PARD3B: variants seen among roughly 807,000 people sequenced by gnomAD.
PARD3B encodes the protein partitioning defective 3 homolog B.
In PARD3B, 103 loss-of-function variants were observed where a neutral mutation model predicts 130.2. That is an observed-to-expected ratio of 0.79 (90% confidence interval 0.67 to 0.93). The LOEUF is 0.93. PARD3B is among the 40% of genes least tolerant of loss of function. The probability of loss-of-function intolerance (pLI) is 0.00; values close to 1 mark genes in which losing one functional copy is unlikely to be tolerated. For missense variants in PARD3B, 1,609 were observed against 1,499.2 expected (o/e 1.07, Z -1.21); for synonymous variants, 583 against 553.2 (o/e 1.05, Z -0.76).
chr2:205,569,121 G>T (rs996829982), intron 22 of PARD3B, among the ~76,000 whole-genome samples: 2 of 151,670 alleles, frequency 1.3e-5, no homozygotes, highest in African/African-American at 4.8e-5. Context: ...GTTTTAATTT[G>T]TAATTCGTTT....
chr2:205,132,404 G>A (rs1179080387), intron 10 of PARD3B, among the ~76,000 whole-genome samples: 1 of 152,044 alleles, frequency 6.6e-6, no homozygotes, highest in African/African-American at 2.4e-5. Context: ...GGGCCAGTGA[G>A]CCTCGGCATT....
chr2:204,698,340 A>G (rs2037715908), intron 2 of PARD3B, among the ~76,000 whole-genome samples: 1 of 152,124 alleles, frequency 6.6e-6, no homozygotes, highest in African/African-American at 2.4e-5. Context: ...CATTTCTGCC[A>G]AATTATTTAG....
intron 19 of PARD3B, among the ~76,000 whole-genome samples, chr2:205,414,935 A>G (rs1030800522): frequency 1.3e-5 from 2 of 152,036 alleles, no homozygotes; most frequent in Non-Finnish European, 2.9e-5. Flanking sequence ...TAGTGGGTTG[A>G]CTTTGTTTTA....
chr2:204,961,800 G>A (rs1313101063), intron 2 of PARD3B, among the ~76,000 whole-genome samples: 1 of 152,140 alleles, frequency 6.6e-6, no homozygotes, highest in Non-Finnish European at 1.5e-5. Flanking sequence ...GTGTCCTGAA[G>A]TAAAGCCAGA....
intron 5 of PARD3B, among the ~76,000 whole-genome samples, chr2:205,110,392 A>G (rs539686011): frequency 1.1e-4 from 16 of 152,300 alleles, no homozygotes; most frequent in Admixed American, 3.9e-4. Flanking sequence ...AGCTTCGCCT[A>G]TAGTTTTGTC....
At chr2:205,045,114 T>TG (rs1378050199) in intron 3 of PARD3B, among the ~76,000 whole-genome samples, 1 of 117,388 alleles carries the variant, frequency 8.5e-6, no homozygotes, top group Non-Finnish European at 1.9e-5. Flanking sequence ...ATCTTAAAGT[T>TG]TTTTTTTTTT....
chr2:205,490,455 A>G (rs185874857), intron 20 of PARD3B, among the ~76,000 whole-genome samples: 1,606 of 152,222 alleles, frequency 0.011, 10 homozygotes, highest in Middle Eastern at 0.031. Context: ...ATCATTTTTT[A>G]TGGCTGCATA....
At chr2:204,963,964 T>A (rs1385789423) in intron 2 of PARD3B, among the ~76,000 whole-genome samples, 1 of 152,222 alleles carries the variant, frequency 6.6e-6, no homozygotes, top group African/African-American at 2.4e-5. Flanking sequence ...TGTATTCATT[T>A]CTTTTGAAAG....
At chr2:204,898,903 T>C (rs2046744496) in intron 2 of PARD3B, among the ~76,000 whole-genome samples, 1 of 152,228 alleles carries the variant, frequency 6.6e-6, no homozygotes, top group Admixed American at 6.5e-5. Context: ...GTTTTTGTCT[T>C]GAAATCTATT....
At position 205,540,757 on chromosome 2, in the gene PARD3B, C is replaced by T. The variant is rs150153285; in HGVS notation, c.3181-12567C>T. 4.4e-4 allele frequency among the ~76,000 whole-genome samples: 67 copies of T among 152,214 alleles called. 1 individual carries two copies. The highest frequency in any genetic ancestry group is 2.6e-4 in the Non-Finnish European group (18 of 68,006). On this transcript the variant is annotated intron_variant, in intron 21 of 22. Transcript: ENST00000406610. ...AGCAGCAAGAATGACATTAATTATG[C>T]GAAAAGCAGTCATATCTGGCAGTTG...
At chr2:205,089,703 A>G (rs968782800) in intron 4 of PARD3B, among the ~76,000 whole-genome samples, 3 of 152,174 alleles carry the variant, frequency 2.0e-5, no homozygotes, top group African/African-American at 7.2e-5. Flanking sequence ...CCTGAAGTCA[A>G]GGGTAGGACT....
chr2:205,381,162 A>T (rs1487787978), intron 18 of PARD3B, among the ~76,000 whole-genome samples: 1 of 120,620 alleles, frequency 8.3e-6, no homozygotes, highest in African/African-American at 3.3e-5. Flanking sequence ...TAATATATAT[A>T]AAGAATATAT....
At chr2:204,702,761 A>C (rs1042051396) in intron 2 of PARD3B, among the ~76,000 whole-genome samples, 5 of 151,980 alleles carry the variant, frequency 3.3e-5, no homozygotes, top group Non-Finnish European at 7.4e-5. Context: ...TTTTTAGTAG[A>C]GATGGGGTTT....
chr2:204,802,402 A>G (rs1428402639), intron 2 of PARD3B, among the ~76,000 whole-genome samples: 3 of 152,212 alleles, frequency 2.0e-5, no homozygotes, highest in Non-Finnish European at 4.4e-5. Flanking sequence ...GGGAGTCTAA[A>G]TTAGCTCAAC....
At chr2:205,481,018 ATC>A (rs1229546556) in intron 20 of PARD3B, among the ~76,000 whole-genome samples, 1 of 152,138 alleles carries the variant, frequency 6.6e-6, no homozygotes, top group South Asian at 2.1e-4. Flanking sequence ...GTGAGAAAGA[ATC>A]TCTCTGTGAG....
chr2:205,370,995 T>C (rs2044795311), intron 18 of PARD3B, among the ~76,000 whole-genome samples: 1 of 152,184 alleles, frequency 6.6e-6, no homozygotes, highest in South Asian at 2.1e-4. Flanking sequence ...TTGCTATTGC[T>C]GAAGTGCGAG....
In PARD3B at chr2:205,125,729, C is replaced by T. The variant is rs573695856; in HGVS notation, c.1426C>T (p.Arg476Ter). Residue 476 changes from arginine to a stop codon, truncating the protein, a stop_gained, in exon 10 of 23, where the codon CGA becomes TGA. Coordinates refer to ENST00000406610, the MANE Select transcript of PARD3B (RefSeq NM_001302769.2). LOFTEE classifies it high-confidence loss of function. The surrounding 1 kb of genome is among the most constrained non-coding windows in gnomAD (Gnocchi z 4.0). ...IARQEGHFLP[R>*]ELKGEPDCCA... ...CCGCCAAGAAGGACATTTTCTGCCCCGAGAGTTGGTAATGTTCAGATCTCA... is the reference window on the plus strand; with the variant it reads ...CCGCCAAGAAGGACATTTTCTGCCCTGAGAGTTGGTAATGTTCAGATCTCA... The T allele has an allele frequency of 1.3e-5, 21 of 1,613,980 alleles. No individual in the cohort carries two copies. Among genetic ancestry groups the T allele is most frequent in the Admixed American group, 3.3e-5 (2 of 59,992 alleles).
intron 2 of PARD3B, among the ~76,000 whole-genome samples, chr2:204,872,200 A>C (rs2125649643): frequency 6.6e-6 from 1 of 152,210 alleles, no homozygotes; most frequent in Non-Finnish European, 1.5e-5. Flanking sequence ...GGAAAAGCAT[A>C]TGGCAATTGT....
At chr2:204,651,896 G>C (rs2035491651) in intron 1 of PARD3B, among the ~76,000 whole-genome samples, 1 of 152,190 alleles carries the variant, frequency 6.6e-6, no homozygotes, top group East Asian at 1.9e-4. Flanking sequence ...TGCACCCTCT[G>C]AAGCTATGGC....
Sources: allele counts gnomAD v4.1 joint callset (sites outside exome capture counted in the v4.1 genomes callset), GRCh38; gene constraint gnomAD v4.1.1; non-coding constraint Gnocchi (gnomAD v3.1); transcripts MANE v1.5; gene names NCBI Gene and HGNC (gene_info 2026-07-23, HGNC 2026-07-21).